The following ESRRB variants were observed in gnomAD, a reference collection of about 807,000 sequenced individuals.
ESRRB encodes the protein estrogen related receptor beta.
In ESRRB, 16 loss-of-function variants were observed where a neutral mutation model predicts 46.0. The observed-to-expected ratio is 0.35, with a 90% CI of 0.24 to 0.53. The LOEUF is 0.53. Among genes scored for constraint, ESRRB ranks in the 20% least tolerant of loss-of-function variants. ESRRB has a pLI of 0.93. For synonymous variants in ESRRB, 246 were observed against 259.6 expected, an observed-to-expected ratio of 0.95 and a Z score of 0.50; for missense variants, 488 against 607.4, an observed-to-expected ratio of 0.80 and a Z score of 2.07.
intron 1 of ESRRB, among the ~76,000 whole-genome samples, chr14:76,401,832 A>T (rs941267390): frequency 6.6e-6 from 1 of 152,336 alleles, no homozygotes; most frequent in African/African-American, 2.4e-5. Context: ...GTGTGTGTAT[A>T]TATCCTTTAT....
intron 1 of ESRRB, among the ~76,000 whole-genome samples, chr14:76,381,461 G>C (rs1885013934): frequency 6.6e-6 from 1 of 152,172 alleles, no homozygotes; most frequent in African/African-American, 2.4e-5. Flanking sequence ...TAGTTGGGAG[G>C]ATTTTTTCTT....
At position 76,498,624 on chromosome 14, in the gene ESRRB, G is replaced by A. The variant is rs1356630173; in HGVS notation, c.*166G>A. 4.0e-6 allele frequency: 5 copies of A among 1,264,912 alleles called. No individual in the cohort carries two copies. The highest frequency in any genetic ancestry group is 3.1e-5 in the African/African-American group (2 of 65,110). 78.4% of individuals were successfully genotyped at this position (1,264,912 alleles called of 1,614,324 possible). A position where few individuals can be genotyped will look rare whatever the true frequency, so the allele number is the denominator to read the frequency against. On this transcript the variant is annotated 3_prime_UTR_variant, in exon 7 of 7. Transcript: ENST00000644823. ...CCTGGCTGTGTGCAGACTCCCGGGT[G>A]CAGTGGGGTGGGGGACGGGGATGGG...
chr14:76,326,695 G>C (rs1883934186), intron 1 of ESRRB, among the ~76,000 whole-genome samples: 1 of 152,212 alleles, frequency 6.6e-6, no homozygotes, highest in African/African-American at 2.4e-5. Context: ...GGGTAGGAAA[G>C]GGGTTTGCTT....
intron 3 of ESRRB, among the ~76,000 whole-genome samples, chr14:76,470,646 T>C (rs1418194308): frequency 6.6e-6 from 1 of 152,222 alleles, no homozygotes; most frequent in East Asian, 1.9e-4. Flanking sequence ...GGGAATGACA[T>C]ATTTTCAAAT....
intron 3 of ESRRB, among the ~76,000 whole-genome samples, 187 bp from the exon 4 acceptor site, chr14:76,481,829 A>G (rs1205296889): frequency 9.9e-5 from 15 of 152,214 alleles, no homozygotes. Flanking sequence ...GGGATGCGCC[A>G]TTACTGTTAG....
At chr14:76,343,162 T>A (rs915672885) in intron 1 of ESRRB, among the ~76,000 whole-genome samples, 3 of 152,184 alleles carry the variant, frequency 2.0e-5, no homozygotes, top group Admixed American at 2.0e-4. Flanking sequence ...GTCTTCAGAA[T>A]GTTAGAGGAA....
At chr14:76,320,096 G>T (rs2139725795) in intron 1 of ESRRB, among the ~76,000 whole-genome samples, 1 of 152,284 alleles carries the variant, frequency 6.6e-6, no homozygotes, top group African/African-American at 2.4e-5. Flanking sequence ...TTTTTGGGAT[G>T]AATTTGCCTA....
intron 1 of ESRRB, among the ~76,000 whole-genome samples, chr14:76,338,896 T>C (rs1268459555): frequency 6.6e-6 from 1 of 152,216 alleles, no homozygotes; most frequent in Non-Finnish European, 1.5e-5. Context: ...TGAGCCAAGA[T>C]TGTGCCATTG....
Position 76,498,323 on chromosome 14 carries a change from G to A in ESRRB, c.1230G>A (p.Thr410=), listed in dbSNP as rs367778284. 66 of 1,612,946 alleles carry A rather than the reference G, an allele frequency of 4.1e-5. No homozygotes were observed. The highest frequency in any genetic ancestry group is 1.6e-4 in the African/African-American group (12 of 74,938). ...LSQRHEEPWR[T]GKLLLTLPLL... is the part of the protein sequence containing the mutation. ...AGCGCCATGAGGAGCCCTGGAGGAC[G>A]GGCAAGCTGCTGCTGACACTGCCGC... The change falls in exon 7 of 7, where the codon ACG becomes ACA. Residue 410 remains threonine, a synonymous_variant. Transcript: ENST00000644823.
intron 1 of ESRRB, among the ~76,000 whole-genome samples, chr14:76,318,155 C>T (rs893403580): frequency 6.6e-6 from 1 of 152,190 alleles, no homozygotes; most frequent in Admixed American, 6.5e-5. Context: ...CCTCCTTCCC[C>T]AGTCTTCCAC....
At chr14:76,361,245 T>C (rs1187080263) in intron 1 of ESRRB, among the ~76,000 whole-genome samples, 2 of 152,200 alleles carry the variant, frequency 1.3e-5, no homozygotes, top group African/African-American at 4.8e-5. Flanking sequence ...CATGTGCTTA[T>C]CCACCTGGAC....
Position 76,355,006 on chromosome 14 carries a change from C to T in ESRRB, c.2+44090C>T, listed in dbSNP as rs182883655. ...GATTACAGGCATGAGCCACCATGCC[C>T]GGCCGGTCCTGGGCTTTATCTGCAC... On this transcript the variant is annotated intron_variant, in intron 1 of 6. Coordinates refer to the ESRRB transcript ENST00000512784. 9.9e-5 allele frequency among the ~76,000 whole-genome samples: 15 copies of T among 151,776 alleles called. No individual in the cohort carries two copies. The South Asian group carries it at 1.7e-3, about 17-fold the overall frequency.
intron 1 of ESRRB, among the ~76,000 whole-genome samples, chr14:76,347,414 A>AGT (rs34971102): frequency 0.32 from 30,766 of 96,106 alleles, 10,220 homozygotes; most frequent in African/African-American, 0.44. Flanking sequence ...TTGCTCATGA[A>AGT]GTGTGTGTGT....
At chr14:76,329,611 A>G (rs1316011970) in intron 1 of ESRRB, among the ~76,000 whole-genome samples, 2 of 152,100 alleles carry the variant, frequency 1.3e-5, no homozygotes, top group East Asian at 3.9e-4. Context: ...TAAATCACCG[A>G]GGTGCCCATG....
chr14:76,405,651 C>T (rs897812837), intron 1 of ESRRB, among the ~76,000 whole-genome samples: 1 of 151,924 alleles, frequency 6.6e-6, no homozygotes, highest in African/African-American at 2.4e-5. Context: ...ACATGGCCTG[C>T]TGTAGCCAAA....
At chr14:76,396,636 C>G (rs1331172234) in intron 1 of ESRRB, among the ~76,000 whole-genome samples, 1 of 152,250 alleles carries the variant, frequency 6.6e-6, no homozygotes, top group African/African-American at 2.4e-5. Context: ...ACACAGTCCT[C>G]TAGAAACCAG....
At chr14:76,460,870 T>A (rs949690031) in intron 2 of ESRRB, among the ~76,000 whole-genome samples, 4 of 151,538 alleles carry the variant, frequency 2.6e-5, no homozygotes, top group Non-Finnish European at 4.4e-5. Flanking sequence ...CCCAACTAAT[T>A]TTTTTTTGTA....
intron 1 of ESRRB, among the ~76,000 whole-genome samples, chr14:76,434,784 C>T (rs1001113869): frequency 6.6e-6 from 1 of 152,212 alleles, no homozygotes; most frequent in Admixed American, 6.5e-5. Context: ...GAGGTCCCTG[C>T]CTGGAGCAGC....
intron 3 of ESRRB, among the ~76,000 whole-genome samples, chr14:76,469,944 C>CTTTTTTTTTT (rs1178018542): frequency 6.8e-4 from 50 of 73,068 alleles, no homozygotes; most frequent in South Asian, 1.5e-3. Flanking sequence ...TTTTTTTTTT[C>CTTTTTTTTTT]TTTTTTTTTT....
Sources: allele counts gnomAD v4.1 joint callset (sites outside exome capture counted in the v4.1 genomes callset), GRCh38; gene constraint gnomAD v4.1.1; transcripts MANE v1.5; gene names NCBI Gene and HGNC (gene_info 2026-07-23, HGNC 2026-07-21).